Variants in USP32 observed in about 807,000 individuals in gnomAD.
USP32 encodes the protein ubiquitin carboxyl-terminal hydrolase 32.
Under a neutral mutation model 204.8 loss-of-function variants are expected in USP32, and 59 were observed. That is an observed-to-expected ratio of 0.29 (90% CI 0.23 to 0.36). The LOEUF is 0.36. USP32 is among the 10% of genes least tolerant of loss of function. The pLI, the probability that USP32 is intolerant of heterozygous loss-of-function variation, is 1.00. For missense variants in USP32, 1,160 were observed against 1,946.4 expected, an observed-to-expected ratio of 0.60 and a Z score of 7.60; for synonymous variants, 517 against 678.4, an observed-to-expected ratio of 0.76 and a Z score of 3.70.
intron 25 of USP32, among the ~76,000 whole-genome samples, chr17:60,206,009 C>T (rs1296049634): frequency 1.3e-5 from 2 of 152,272 alleles, no homozygotes; most frequent in Admixed American, 6.5e-5. Flanking sequence ...GTAACCTCTA[C>T]CCAGATGTTG....
intron 13 of USP32, 22 bp from the exon 14 acceptor site, chr17:60,223,608 G>A: frequency 6.4e-7 from 1 of 1,571,164 alleles, no homozygotes. Flanking sequence ...AAAGAGGATA[G>A]AATCTCTTAT....
intron 4 of USP32, among the ~76,000 whole-genome samples, chr17:60,293,667 A>G (rs2087344499): frequency 6.6e-6 from 1 of 152,270 alleles, no homozygotes; most frequent in African/African-American, 2.4e-5. Context: ...CCAGAGTGGT[A>G]AGAAACTAAT....
intron 1 of USP32, chr17:60,421,347 G>C (rs547597782): frequency 3.0e-6 from 3 of 985,316 alleles, no homozygotes; most frequent in African/African-American, 1.7e-5. Context: ...CTCCTCCAAA[G>C]CTCCGGGCCT....
intron 11 of USP32, among the ~76,000 whole-genome samples, chr17:60,248,193 C>G (rs2086083666): frequency 6.6e-6 from 1 of 152,168 alleles, no homozygotes; most frequent in Non-Finnish European, 1.5e-5. Context: ...ATCACTTTCT[C>G]ATATCACTGC....
intron 1 of USP32, among the ~76,000 whole-genome samples, chr17:60,368,656 A>C (rs906087433): frequency 1.3e-5 from 2 of 152,232 alleles, no homozygotes; most frequent in African/African-American, 4.8e-5. Context: ...CCATCAAAAA[A>C]TAGTAAACAT....
intron 1 of USP32, among the ~76,000 whole-genome samples, chr17:60,371,326 G>A (rs925345159): frequency 5.3e-5 from 8 of 151,670 alleles, no homozygotes; most frequent in African/African-American, 1.7e-4. Flanking sequence ...CAGCACTTTG[G>A]GAGGCCAAGG....
chr17:60,245,377 G>A (rs891142436), intron 11 of USP32: 1 of 406,986 alleles, frequency 2.5e-6, no homozygotes, highest in Admixed American at 2.8e-5. Context: ...GCAGTTCTTG[G>A]AGGAAACACT....
At chr17:60,326,279 G>A (rs899013499) in intron 2 of USP32, among the ~76,000 whole-genome samples, 2 of 151,486 alleles carry the variant, frequency 1.3e-5, no homozygotes, top group African/African-American at 4.8e-5. Context: ...ACCTGATTTC[G>A]GGTCCTTATT....
chr17:60,413,769 G>T (rs2090036737), intron 1 of USP32, among the ~76,000 whole-genome samples: 1 of 150,360 alleles, frequency 6.7e-6, no homozygotes, highest in Non-Finnish European at 1.5e-5. Flanking sequence ...GGAGGCTAAG[G>T]CAGGAGAATC....
At position 60,185,475 on chromosome 17, in the gene USP32, C is replaced by T. The variant is rs767717762; in HGVS notation, c.3819G>A (p.Arg1273=). ...CLATKKLDLW[R]LPPILIIHLK... Reference sequence around the variant, plus strand: ...TGTAACATACCAGGATGGGTGGAAGCCTCCAGAGATCCAGCTTCTTTGTTG... The same window carrying T: ...TGTAACATACCAGGATGGGTGGAAGTCTCCAGAGATCCAGCTTCTTTGTTG... Residue 1273 remains arginine, a synonymous_variant, in exon 30 of 34, where the codon AGG becomes AGA. Transcript: ENST00000300896. 1.4e-5 allele frequency: 23 copies of T among 1,607,112 alleles called. No homozygotes were observed. The highest frequency in any genetic ancestry group is 2.7e-5 in the African/African-American group (2 of 74,790).
intron 27 of USP32, among the ~76,000 whole-genome samples, chr17:60,195,643 C>T (rs2084495092): frequency 6.6e-6 from 1 of 152,104 alleles, no homozygotes; most frequent in African/African-American, 2.4e-5. Flanking sequence ...CAGCCTCAAT[C>T]TCTTTTGATG....
intron 4 of USP32, 47 bp from the exon 5 acceptor site, chr17:60,288,729 T>C: frequency 6.5e-7 from 1 of 1,537,936 alleles, no homozygotes; most frequent in Non-Finnish European, 8.8e-7. Flanking sequence ...TTTTAAGGTA[T>C]CTTACTTGGA....
At chr17:60,272,791 T>C (rs1372364013) in intron 5 of USP32, among the ~76,000 whole-genome samples, 3 of 151,872 alleles carry the variant, frequency 2.0e-5, no homozygotes, top group Non-Finnish European at 2.9e-5. Context: ...AGAAGATAGG[T>C]TGGAGGTAAG....
intron 1 of USP32, among the ~76,000 whole-genome samples, chr17:60,419,538 C>T (rs1248267484): frequency 6.6e-5 from 10 of 151,986 alleles, no homozygotes; most frequent in Admixed American, 6.6e-4. Context: ...GGAGGCCATC[C>T]TGGCTAACAC....
At chr17:60,206,671 A>C (rs928775949) in intron 25 of USP32, among the ~76,000 whole-genome samples, 16 of 151,788 alleles carry the variant, frequency 1.1e-4, no homozygotes, top group Non-Finnish European at 1.5e-4. Flanking sequence ...TGACCACATT[A>C]AATTACATAT....
chr17:60,210,984 A>G, intron 21 of USP32, 29 bp downstream of exon 21: 1 of 1,567,542 alleles, frequency 6.4e-7, no homozygotes, highest in Non-Finnish European at 8.6e-7. Flanking sequence ...TAGGAATTAA[A>G]TACTTTTATA....
chr17:60,219,487 C>T (rs2085185224), intron 16 of USP32, 183 bp downstream of exon 16: 41 of 812,202 alleles, frequency 5.0e-5, no homozygotes, highest in Non-Finnish European at 7.4e-5. Flanking sequence ...AAATTAATTA[C>T]TGAGTCTGTA....
intron 2 of USP32, among the ~76,000 whole-genome samples, chr17:60,329,280 T>G (rs777350187): frequency 1.2e-4 from 18 of 150,760 alleles, no homozygotes; most frequent in Non-Finnish European, 1.9e-4. Context: ...GTGTGTGTGT[T>G]TTTTTTTTCA....
intron 2 of USP32, among the ~76,000 whole-genome samples, chr17:60,342,799 G>C (rs1376461636): frequency 6.6e-6 from 1 of 152,186 alleles, no homozygotes; most frequent in African/African-American, 2.4e-5. Context: ...ATTTGGGCAG[G>C]AGTGTCCCGT....
Sources: allele counts gnomAD v4.1 joint callset (sites outside exome capture counted in the v4.1 genomes callset), GRCh38; gene constraint gnomAD v4.1.1; transcripts MANE v1.5; gene names NCBI Gene and HGNC (gene_info 2026-07-23, HGNC 2026-07-21).